Variants in ANKS1B observed in about 807,000 individuals in gnomAD.
ANKS1B encodes ankyrin repeat and sterile alpha motif domain-containing protein 1B.
ANKS1B carries 36 observed loss-of-function variants against 148.3 expected under a neutral mutation model. The ratio of observed to expected loss-of-function variants is 0.24; its 90% confidence interval spans 0.19 to 0.32. The LOEUF (loss-of-function observed/expected upper bound fraction) is 0.32. ANKS1B is among the 10% of genes least tolerant of loss of function. ANKS1B has a pLI of 1.00. For synonymous variants in ANKS1B, 542 were observed against 560.8 expected (o/e 0.97, Z 0.47); for missense variants, 1,157 against 1,542.6 (o/e 0.75, Z 4.19).
At chr12:99,392,942 C>T (rs1478857301) in intron 12 of ANKS1B, among the ~76,000 whole-genome samples, 2 of 151,312 alleles carry the variant, frequency 1.3e-5, no homozygotes, top group Non-Finnish European at 2.9e-5. Context: ...ACTGAGATTT[C>T]CCCATCTCCA....
intron 9 of ANKS1B, among the ~76,000 whole-genome samples, chr12:99,594,384 G>T (rs79823651): frequency 0.016 from 2,378 of 152,012 alleles, 55 homozygotes; most frequent in African/African-American, 0.054. Context: ...ATAAAATCAG[G>T]GTCCTGGAGG....
intron 10 of ANKS1B, among the ~76,000 whole-genome samples, chr12:99,482,153 C>A (rs953798530): frequency 1.3e-5 from 2 of 151,034 alleles, no homozygotes; most frequent in African/African-American, 4.8e-5. Flanking sequence ...AGAATTTTTA[C>A]AGTTTCATGT....
chr12:99,687,160 A>C (rs2098654311), intron 8 of ANKS1B, among the ~76,000 whole-genome samples: 2 of 152,190 alleles, frequency 1.3e-5, no homozygotes, highest in African/African-American at 4.8e-5. Context: ...TCATTTCATC[A>C]CTTCAGACTC....
At chr12:99,873,386 C>T (rs180955547) in intron 1 of ANKS1B, among the ~76,000 whole-genome samples, 1 of 152,130 alleles carries the variant, frequency 6.6e-6, no homozygotes, top group Admixed American at 6.5e-5. Context: ...TTTCTCCTAA[C>T]CTGGAAAGTG....
At chr12:98,784,317 T>G (rs989003688) in intron 22 of ANKS1B, among the ~76,000 whole-genome samples, 1 of 151,664 alleles carries the variant, frequency 6.6e-6, no homozygotes, top group African/African-American at 2.4e-5. Flanking sequence ...TCCCAAGGGG[T>G]GGGGCAGAAA....
rs185749240 is a variant in ANKS1B at position 99,798,787 on chromosome 12, A to G, written c.669+7617T>C. ...TCCCTCTATTAAACTAGGGACTTCAAGTCTTGGTCTTTACTCATTCTCTCT... is the reference window on the plus strand; with the variant it reads ...TCCCTCTATTAAACTAGGGACTTCAGGTCTTGGTCTTTACTCATTCTCTCT... On this transcript the variant is annotated intron_variant, in intron 4 of 26. Coordinates refer to ENST00000683438, the MANE Select transcript of ANKS1B (RefSeq NM_001352186.2). 2.6e-3 allele frequency among the ~76,000 whole-genome samples: 390 copies of G among 152,176 alleles called. 2 individuals carry two copies. Among genetic ancestry groups the G allele is most frequent in the African/African-American group, 8.6e-3 (358 of 41,554 alleles).
intron 15 of ANKS1B, among the ~76,000 whole-genome samples, chr12:99,088,908 C>T (rs532688481): frequency 4.6e-4 from 56 of 120,868 alleles, no homozygotes; most frequent in Admixed American, 3.7e-3. Context: ...TGCAATGGCA[C>T]GATCCTGGCT....
intron 9 of ANKS1B, among the ~76,000 whole-genome samples, chr12:99,512,533 C>T (rs977299368): frequency 9.9e-5 from 15 of 152,188 alleles, no homozygotes; most frequent in African/African-American, 3.6e-4. Flanking sequence ...GCATTTGACC[C>T]AGCAATCCCA....
intron 24 of ANKS1B, among the ~76,000 whole-genome samples, chr12:98,779,480 G>T (rs1382585602): frequency 6.6e-6 from 1 of 152,088 alleles, no homozygotes; most frequent in African/African-American, 2.4e-5. Context: ...GAAATTGTCA[G>T]AATCCAAGTC....
At chr12:99,200,933 G>A (rs1465734079) in intron 14 of ANKS1B, among the ~76,000 whole-genome samples, 1 of 152,178 alleles carries the variant, frequency 6.6e-6, no homozygotes, top group African/African-American at 2.4e-5. Context: ...TAAGGAAATA[G>A]AGTGGAGACT....
At chr12:98,968,008 A>G (rs772704184) in intron 17 of ANKS1B, among the ~76,000 whole-genome samples, 1 of 152,100 alleles carries the variant, frequency 6.6e-6, no homozygotes, top group Non-Finnish European at 1.5e-5. Flanking sequence ...TCAAGAGGGC[A>G]TTTTTGGGAA....
intron 17 of ANKS1B, among the ~76,000 whole-genome samples, chr12:99,013,795 C>T (rs2099940837): frequency 6.6e-6 from 1 of 152,074 alleles, no homozygotes; most frequent in African/African-American, 2.4e-5. Flanking sequence ...AGGAATACAG[C>T]TATGTAGGGT....
At chr12:99,882,572 T>C (rs1233426804) in intron 1 of ANKS1B, among the ~76,000 whole-genome samples, 1 of 152,090 alleles carries the variant, frequency 6.6e-6, no homozygotes. Context: ...GGATCCCTCA[T>C]CAGAAGTGGG....
chr12:99,111,092 A>G (rs1261327122), intron 15 of ANKS1B, among the ~76,000 whole-genome samples: 1 of 152,166 alleles, frequency 6.6e-6, no homozygotes, highest in Non-Finnish European at 1.5e-5. Flanking sequence ...CTTATATTCC[A>G]CCTGGTGTCC....
In ANKS1B at chr12:99,105,393, C is replaced by T. The variant is rs149932735; in HGVS notation, c.2527-20370G>A. On this transcript the variant is annotated intron_variant, in intron 15 of 26. Coordinates refer to ENST00000683438, the MANE Select transcript of ANKS1B (RefSeq NM_001352186.2). ...GAAAGCAAAAGTGACAGCAAAAACA[C>T]GACAACATCAGAAAGCCAGATTCTA... Among the ~76,000 whole-genome samples the T allele has an allele frequency of 3.6e-3, 550 of 152,154 alleles. 5 individuals are homozygous for T. The highest frequency in any genetic ancestry group is 0.012 in the African/African-American group (515 of 41,516).
intron 8 of ANKS1B, among the ~76,000 whole-genome samples, chr12:99,713,785 T>G (rs1178146328): frequency 6.6e-6 from 1 of 152,184 alleles, no homozygotes; most frequent in Non-Finnish European, 1.5e-5. Flanking sequence ...ATATTTCCAC[T>G]AGCAATCTGT....
At chr12:98,836,688 C>T (rs776040839) in intron 17 of ANKS1B, among the ~76,000 whole-genome samples, 12 of 152,068 alleles carry the variant, frequency 7.9e-5, no homozygotes, top group Non-Finnish European at 1.3e-4. Context: ...TTCAAGAACA[C>T]CAAAGCAATG....
At chr12:98,767,408 C>T (rs945972952) in intron 25 of ANKS1B, among the ~76,000 whole-genome samples, 3 of 152,174 alleles carry the variant, frequency 2.0e-5, no homozygotes, top group Non-Finnish European at 4.4e-5. Flanking sequence ...GAGGGAGCTC[C>T]GTCTCCCACA....
chr12:98,983,103 T>C (rs541584257), intron 17 of ANKS1B, among the ~76,000 whole-genome samples: 1 of 152,324 alleles, frequency 6.6e-6, no homozygotes, highest in South Asian at 2.1e-4. Context: ...ACATATTAGA[T>C]CATAGCTCTA....
Sources: gnomAD v4.1 joint callset for allele counts (sites outside exome capture counted in the v4.1 genomes callset) on GRCh38, gnomAD v4.1.1 for gene constraint, MANE v1.5 for transcripts, NCBI Gene and HGNC (gene_info 2026-07-23, HGNC 2026-07-21) for gene names.